ACOT11: variants seen among roughly 807,000 people sequenced by gnomAD.
The protein encoded by ACOT11 is acyl-coenzyme A thioesterase 11.
ACOT11 carries 69 observed loss-of-function variants against 77.5 expected under a neutral mutation model. The ratio of observed to expected loss-of-function variants is 0.89; its 90% confidence interval spans 0.73 to 1.09. The LOEUF (loss-of-function observed/expected upper bound fraction) is 1.09. ACOT11 is among the 50% of genes least tolerant of loss of function. The probability of loss-of-function intolerance (pLI) is 0.00; values close to 1 mark genes in which losing one functional copy is unlikely to be tolerated. For missense variants in ACOT11, 766 were observed against 813.7 expected (o/e 0.94, Z 0.71); for synonymous variants, 279 against 313.0 (o/e 0.89, Z 1.15).
At chr1:54,583,007 C>T (rs1156959761) in intron 1 of ACOT11, among the ~76,000 whole-genome samples, 1 of 152,166 alleles carries the variant, frequency 6.6e-6, no homozygotes, top group Non-Finnish European at 1.5e-5. Context: ...CTCCCACACC[C>T]CGAAAGCCAG....
chr1:54,605,040 C>T, intron 12 of ACOT11, 36 bp from the exon 13 acceptor site: 2 of 1,590,370 alleles, frequency 1.3e-6, no homozygotes, highest in Non-Finnish European at 8.6e-7. Context: ...TCCACTCCAC[C>T]ACCCAGCAAA....
At chr1:54,614,942 GT>G, downstream of ACOT11, 2 of 522,178 alleles carry the variant, frequency 3.8e-6, no homozygotes, top group Non-Finnish European at 5.4e-6. Flanking sequence ...CAGAGCGGGT[GT>G]GTGTGTGTGT....
chr1:54,554,752 TCTC>T (rs1653203288), intron 1 of ACOT11, among the ~76,000 whole-genome samples: 2 of 152,138 alleles, frequency 1.3e-5, no homozygotes, highest in African/African-American at 4.8e-5. Flanking sequence ...AGTAGAGGTA[TCTC>T]TTCAATATAC....
At chr1:54,633,467 A>G (rs1209542824) in intron 16 of ACOT11, among the ~76,000 whole-genome samples, 1 of 152,240 alleles carries the variant, frequency 6.6e-6, no homozygotes, top group African/African-American at 2.4e-5. Flanking sequence ...TTTAATAGTC[A>G]TAGATTTAAA....
rs867435467 is a variant in ACOT11, at chr1:54,554,327, G to A, written c.33+5985G>A. ...TGTGTGTGTGTGTGTGTGTGTGTGT[G>A]TGTGTGTATATATATATATATATAT... On this transcript the variant is annotated intron_variant, in intron 1 of 15. Transcript: ENST00000343744. Among the ~76,000 whole-genome samples, 330 of 77,698 alleles carry A rather than the reference G, an allele frequency of 4.2e-3. 5 individuals carry two copies. Among genetic ancestry groups the A allele is most frequent in the South Asian group, 7.3e-3 (16 of 2,206 alleles). 51.0% of individuals were successfully genotyped at this position (77,698 alleles called of 152,430 possible). A position where few individuals can be genotyped will look rare whatever the true frequency, so the allele number is the denominator to read the frequency against.
At chr1:54,572,655 T>C (rs1008333279) in intron 1 of ACOT11, among the ~76,000 whole-genome samples, 1 of 152,204 alleles carries the variant, frequency 6.6e-6, no homozygotes, top group African/African-American at 2.4e-5. Context: ...CTGGCCACTT[T>C]TGTGGTCTGC....
In ACOT11 at chr1:54,604,385, C is replaced by G; in HGVS notation, c.1192C>G (p.Leu398Val). ...CAATAACGTCTCCTCCTTGAAGATG[C>G]TTGTGGCCAAGGACAACTGGGTGCT... ...SYNNVSSLKM[L>V]VAKDNWVLSS... Residue 398 changes from leucine to valine, a missense_variant, in exon 12 of 16, where the codon CTT becomes GTT. Leu to Val is a conservative substitution (Grantham distance 32, BLOSUM62 1). Coordinates refer to ENST00000343744, the MANE Select transcript of ACOT11 (RefSeq NM_147161.4). 6.2e-7 allele frequency: 1 copy of G among 1,614,090 alleles called. No individual in the cohort carries two copies. The highest frequency in any genetic ancestry group is 8.5e-7 in the Non-Finnish European group (1 of 1,180,024).
intron 15 of ACOT11, among the ~76,000 whole-genome samples, chr1:54,617,211 A>G (rs1454515808): frequency 6.6e-6 from 1 of 152,084 alleles, no homozygotes; most frequent in Non-Finnish European, 1.5e-5. Context: ...GACCTTTCTA[A>G]TGGGAAGCTG....
rs767851852 is a variant in ACOT11, at chr1:54,609,968, G to A, written c.*856G>A. The A allele has an allele frequency of 1.3e-6, 2 of 1,587,848 alleles. No individual in the cohort carries two copies. Among genetic ancestry groups the A allele is most frequent in the African/African-American group, 1.3e-5 (1 of 74,802 alleles). On this transcript the variant is annotated 3_prime_UTR_variant, in exon 16 of 16. Coordinates refer to ENST00000343744, the MANE Select transcript of ACOT11 (RefSeq NM_147161.4). The stretch of plus-strand genomic sequence containing the variant: ...TGGAAGAGGCGGCAGAGGCAACAGT[G>A]TTTAGGATTTGGGTTATCATAAGGT...
chr1:54,558,333 G>A (rs1653343800), intron 1 of ACOT11, among the ~76,000 whole-genome samples: 1 of 152,210 alleles, frequency 6.6e-6, no homozygotes, highest in Non-Finnish European at 1.5e-5. Context: ...TGCCATGCCT[G>A]CAGTAACTCA....
chr1:54,613,867 C>A (rs1277563817), downstream of ACOT11, among the ~76,000 whole-genome samples: 1 of 152,070 alleles, frequency 6.6e-6, no homozygotes, highest in Non-Finnish European at 1.5e-5. Flanking sequence ...TGGGAAAGAG[C>A]CTGGAGCTTA....
At chr1:54,621,129 C>G (rs555828708) in intron 15 of ACOT11, among the ~76,000 whole-genome samples, 10 of 151,424 alleles carry the variant, frequency 6.6e-5, no homozygotes, top group Non-Finnish European at 1.5e-4. Flanking sequence ...CCACTGCACT[C>G]CATCCTGGGT....
intron 4 of ACOT11, 110 bp from the exon 5 acceptor site, chr1:54,593,831 T>C: frequency 1.1e-6 from 1 of 891,406 alleles, no homozygotes; most frequent in South Asian, 1.6e-5. Context: ...GTGCAGAAAC[T>C]CTGGAGGCCT....
chr1:54,607,243 A>G lies in ACOT11; in HGVS notation c.1480A>G (p.Arg494Gly), dbSNP rs1377420997. The change falls in exon 14 of 16, where the codon AGG becomes GGG. Residue 494 changes from arginine (R) to glycine (G), a missense_variant. Arg to Gly is a moderately radical substitution (Grantham distance 125, BLOSUM62 -2). Coordinates refer to ENST00000343744, the MANE Select transcript of ACOT11 (RefSeq NM_147161.4). The surrounding 1 kb of genome is among the most constrained non-coding windows in gnomAD (Gnocchi z 4.5). Reference sequence around the variant, plus strand: ...CCAGGACTTCGTGATCCTGGCCTCGAGGCGGAAGCCTTGTGACAATGGGTG... The same window carrying G: ...CCAGGACTTCGTGATCCTGGCCTCGGGGCGGAAGCCTTGTGACAATGGGTG... ...KPQDFVILAS[R>G]RKPCDNGDPY... 6.2e-7 allele frequency: 1 copy of G among 1,614,008 alleles called. No homozygotes were observed. Among genetic ancestry groups the G allele is most frequent in the Non-Finnish European group, 8.5e-7 (1 of 1,180,018 alleles).
chr1:54,572,190 C>T (rs965938472), intron 1 of ACOT11, among the ~76,000 whole-genome samples: 3 of 146,460 alleles, frequency 2.0e-5, no homozygotes, highest in East Asian at 2.1e-4. Context: ...CTGTCTTTGA[C>T]GCCTTTCCTT....
chr1:54,621,092 A>C (rs905969612), intron 15 of ACOT11, among the ~76,000 whole-genome samples: 21 of 151,358 alleles, frequency 1.4e-4, no homozygotes, highest in Non-Finnish European at 2.4e-4. Flanking sequence ...CCTGGGAGAC[A>C]GAGGTTGCAG....
intron 15 of ACOT11, among the ~76,000 whole-genome samples, chr1:54,622,450 C>T (rs540715990): frequency 1.6e-4 from 24 of 151,928 alleles, no homozygotes; most frequent in Admixed American, 1.0e-3. Flanking sequence ...TGGTGGCGCA[C>T]GCCTGTAGTC....
intron 3 of ACOT11, among the ~76,000 whole-genome samples, chr1:54,591,480 T>C (rs1654709183): frequency 6.6e-6 from 1 of 152,202 alleles, no homozygotes; most frequent in Non-Finnish European, 1.5e-5. Context: ...GAATGGACCC[T>C]TCCTAGGCTT....
chr1:54,594,435 G>T, intron 5 of ACOT11, 121 bp from the exon 6 acceptor site: 1 of 1,317,318 alleles, frequency 7.6e-7, no homozygotes, highest in Non-Finnish European at 1.0e-6. Context: ...CCTTGGAACT[G>T]AGCAGCAGCC....
Sources: allele counts gnomAD v4.1 joint callset (sites outside exome capture counted in the v4.1 genomes callset), GRCh38; gene constraint gnomAD v4.1.1; non-coding constraint Gnocchi (gnomAD v3.1); transcripts MANE v1.5; gene names NCBI Gene and HGNC (gene_info 2026-07-23, HGNC 2026-07-21).